Variants in TBC1D5 observed in about 807,000 individuals in gnomAD.
TBC1D5 encodes the protein TBC1 domain family member 5, also known as TBC1 domain family, member 5.
TBC1D5 carries 75 observed loss-of-function variants against 100.3 expected under a neutral mutation model. The observed-to-expected ratio is 0.75, with a 90% CI of 0.62 to 0.91. The LOEUF is 0.91. Among genes scored for constraint, TBC1D5 ranks in the 40% least tolerant of loss-of-function variants. The probability of loss-of-function intolerance (pLI) is 0.00; values close to 1 mark genes in which losing one functional copy is unlikely to be tolerated. For missense variants in TBC1D5, 910 were observed against 942.4 expected (o/e 0.97, Z 0.45); for synonymous variants, 323 against 325.6 (o/e 0.99, Z 0.09).
At chr3:17,696,548 AC>A (rs1448953180) in intron 1 of TBC1D5, among the ~76,000 whole-genome samples, 1 of 152,176 alleles carries the variant, frequency 6.6e-6, no homozygotes, top group African/African-American at 2.4e-5. Context: ...CCAAGACTAA[AC>A]CAGCAAGAAG....
At position 17,405,054 on chromosome 3, in the gene TBC1D5, T is replaced by A. The variant is rs190150383; in HGVS notation, c.277-93A>T. On this transcript the variant is annotated intron_variant, in intron 5 of 21. Transcript: ENST00000253692. ...TGAACCACCTGAACATTGAAAGACA[T>A]AATAGTCATGATATTTCATATTCAT... The A allele has an allele frequency of 8.8e-5, 56 of 639,768 alleles. No individual in the cohort carries two copies. The African/African-American group carries it at 9.8e-4, about 11-fold the overall frequency. 39.6% of individuals were successfully genotyped at this position (639,768 alleles called of 1,614,324 possible). A position where few individuals can be genotyped will look rare whatever the true frequency, so the allele number is the denominator to read the frequency against.
At chr3:17,679,911 C>G (rs531920003) in intron 1 of TBC1D5, among the ~76,000 whole-genome samples, 1 of 151,404 alleles carries the variant, frequency 6.6e-6, no homozygotes, top group African/African-American at 2.5e-5. Flanking sequence ...TATCTGGTCC[C>G]CATCCATTAA....
intron 13 of TBC1D5, among the ~76,000 whole-genome samples, chr3:17,368,471 T>C (rs929532052): frequency 3.9e-5 from 6 of 152,028 alleles, no homozygotes; most frequent in Admixed American, 2.0e-4. Context: ...TAATTTGATG[T>C]TCCATGCAAC....
chr3:17,161,323 C>A, intron 21 of TBC1D5, 67 bp from the exon 23 acceptor site: 1 of 1,511,874 alleles, frequency 6.6e-7, no homozygotes, highest in Middle Eastern at 1.8e-4. Flanking sequence ...AGTGGAAGGC[C>A]CTGTGAACTG....
At chr3:17,491,414 T>G (rs2095638558) in intron 3 of TBC1D5, among the ~76,000 whole-genome samples, 1 of 152,198 alleles carries the variant, frequency 6.6e-6, no homozygotes, top group African/African-American at 2.4e-5. Context: ...TGTTTCCAGC[T>G]TTTGCCCATT....
chr3:17,642,629 C>T (rs563148485), intron 1 of TBC1D5, among the ~76,000 whole-genome samples: 11 of 152,262 alleles, frequency 7.2e-5, no homozygotes, highest in Non-Finnish European at 1.6e-4. Flanking sequence ...TCAGGTATCT[C>T]TACAATTGTT....
chr3:17,467,695 C>CA (rs2150067446), intron 3 of TBC1D5, among the ~76,000 whole-genome samples: 1 of 151,756 alleles, frequency 6.6e-6, no homozygotes, highest in South Asian at 2.1e-4. Flanking sequence ...GCCAACATGG[C>CA]AAAACCCCAT....
rs2079652486 is a variant in TBC1D5, at chr3:17,273,612, G to A, written c.1246-15021C>T. On this transcript the variant is annotated intron_variant, in intron 15 of 21. Coordinates refer to ENST00000253692, the Ensembl canonical transcript of TBC1D5. ...ACCTGAGGTCAGGTGTTCGAGACCA[G>A]CCTGGCCAACATGGCGAAACCCTGT... is the stretch of plus-strand genomic sequence containing the variant. 2.0e-5 allele frequency among the ~76,000 whole-genome samples: 3 copies of A among 151,994 alleles called. 1 individual carries two copies. The South Asian group carries it at 6.2e-4, about 32-fold the overall frequency.
At chr3:17,499,386 C>A (rs1348169396) in intron 3 of TBC1D5, among the ~76,000 whole-genome samples, 4 of 135,188 alleles carry the variant, frequency 3.0e-5, no homozygotes, top group East Asian at 2.0e-4. Context: ...CTAAGCTATG[C>A]GGGCTGAAAG....
At chr3:17,605,789 A>G (rs2061300893) in intron 2 of TBC1D5, among the ~76,000 whole-genome samples, 2 of 152,224 alleles carry the variant, frequency 1.3e-5, no homozygotes, top group Non-Finnish European at 2.9e-5. Flanking sequence ...TAAGGGGGAA[A>G]TAAAGACTTT....
chr3:17,566,424 C>T (rs1234502982), intron 2 of TBC1D5, among the ~76,000 whole-genome samples: 6 of 151,848 alleles, frequency 4.0e-5, no homozygotes, highest in Non-Finnish European at 7.4e-5. Flanking sequence ...AACAGAAGGC[C>T]ACAGTTTTGA....
intron 3 of TBC1D5, among the ~76,000 whole-genome samples, chr3:17,490,324 A>C (rs2150523831): frequency 6.6e-6 from 1 of 152,204 alleles, no homozygotes; most frequent in South Asian, 2.1e-4. Context: ...TGCTGTGCAG[A>C]AGCTCTTTAT....
chr3:17,551,853 AAAC>A (rs1025267146), intron 2 of TBC1D5, among the ~76,000 whole-genome samples: 4 of 152,162 alleles, frequency 2.6e-5, no homozygotes, highest in Non-Finnish European at 4.4e-5. Context: ...TAAACACAAA[AAAC>A]AACTGCGTAT....
At chr3:17,203,088 C>A (rs1272002083) in intron 18 of TBC1D5, among the ~76,000 whole-genome samples, 1 of 152,206 alleles carries the variant, frequency 6.6e-6, no homozygotes, top group East Asian at 1.9e-4. Context: ...GTGAAAGCAG[C>A]TGAGGGGGCT....
chr3:17,358,921 A>C (rs1166082830), intron 13 of TBC1D5, among the ~76,000 whole-genome samples: 1 of 152,146 alleles, frequency 6.6e-6, no homozygotes, highest in Non-Finnish European at 1.5e-5. Flanking sequence ...GTAAAATGAC[A>C]ATAAAAGCAT....
intron 2 of TBC1D5, among the ~76,000 whole-genome samples, chr3:17,564,842 CT>C (rs1361037643): frequency 6.6e-6 from 1 of 151,848 alleles, no homozygotes; most frequent in Non-Finnish European, 1.5e-5. Context: ...AATTTTGAAC[CT>C]GTCACAATGC....
At chr3:17,163,691 A>G (rs565895757) in intron 21 of TBC1D5, among the ~76,000 whole-genome samples, 1 of 152,294 alleles carries the variant, frequency 6.6e-6, no homozygotes, top group South Asian at 2.1e-4. Flanking sequence ...ATAGACCAGC[A>G]GTGTTCAACA....
chr3:17,283,645 G>A (rs765621716), intron 15 of TBC1D5, among the ~76,000 whole-genome samples: 6 of 151,924 alleles, frequency 3.9e-5, no homozygotes, highest in African/African-American at 9.7e-5. Flanking sequence ...TGGAACTTCC[G>A]GCTAAGAGCA....
intron 1 of TBC1D5, among the ~76,000 whole-genome samples, chr3:17,653,004 A>G (rs1350381750): frequency 6.6e-6 from 1 of 152,230 alleles, no homozygotes; most frequent in Non-Finnish European, 1.5e-5. Context: ...ATGCTAAGAT[A>G]CGGACAAACC....
Sources: allele counts gnomAD v4.1 joint callset (sites outside exome capture counted in the v4.1 genomes callset), GRCh38; gene constraint gnomAD v4.1.1; transcripts MANE v1.5; gene names NCBI Gene and HGNC (gene_info 2026-07-23, HGNC 2026-07-21).